FGFR3: variants seen among roughly 807,000 people sequenced by gnomAD.
The protein encoded by FGFR3 is FGFR-3.
In FGFR3, 25 loss-of-function variants were observed where a neutral mutation model predicts 82.9. The observed-to-expected ratio is 0.30, with a 90% CI of 0.22 to 0.42. The LOEUF is 0.42. Among genes scored for constraint, FGFR3 ranks in the 10% least tolerant of loss-of-function variants. The pLI is 1.00. For synonymous variants in FGFR3, 620 were observed against 516.0 expected (o/e 1.20, Z -2.73); for missense variants, 1,026 against 1,161.0 (o/e 0.88, Z 1.69).
At position 1,805,820 on chromosome 4, in the gene FGFR3, C is replaced by T. The variant is rs1166430861; in HGVS notation, c.1716C>T (p.Pro572=). Residue 572 remains proline (P), a synonymous_variant, in exon 13 of 18, where the codon CCC becomes CCT. Coordinates refer to ENST00000440486, the MANE Select transcript of FGFR3 (RefSeq NM_000142.5). ...NLREFLRARR[P]PGLDYSFDTC... is the part of the protein sequence containing the mutation. ...GGGAGTTTCTGCGGGCGCGGCGGCC[C>T]CCGGGCCTGGACTACTCCTTCGACA... 2 of 1,612,416 alleles carry T rather than the reference C, an allele frequency of 1.2e-6. No individual in the cohort carries two copies. Among genetic ancestry groups the T allele is most frequent in the Non-Finnish European group, 1.7e-6 (2 of 1,179,810 alleles).
intron 13 of FGFR3, 44 bp from the exon 14 acceptor site, chr4:1,806,007 G>C: frequency 6.2e-7 from 1 of 1,612,114 alleles, no homozygotes; most frequent in Non-Finnish European, 8.5e-7. Context: ...GAGCAGCGGG[G>C]AGAGGTGGAG....
chr4:1,805,232 T>C, intron 10 of FGFR3, 123 bp from the exon 11 acceptor site: 1 of 1,539,894 alleles, frequency 6.5e-7, no homozygotes, highest in Non-Finnish European at 8.8e-7. Flanking sequence ...AGGGGGAGCA[T>C]GGAGGGCTTC....
In FGFR3 at chr4:1,804,483, C is replaced by A; in HGVS notation, c.1229C>A (p.Thr410Asn). Residue 410 changes from threonine to asparagine, a missense_variant, in exon 9 of 18, where the codon ACC becomes AAC. Transcript: ENST00000440486. ...CCCAAGAAAGGCCTGGGCTCCCCCA[C>A]CGTGCACAAGATCTCCCGCTTCCCG... ...SPPKKGLGSP[T>N]VHKISRFPLK... 1 of 1,613,114 alleles carries A rather than the reference C, an allele frequency of 6.2e-7. No individual in the cohort carries two copies.
Position 1,807,660 on chromosome 4 carries a change from C to T in FGFR3, c.*398C>T, listed in dbSNP as rs144231750. 1 of 627,106 alleles carries T rather than the reference C, an allele frequency of 1.6e-6. No homozygotes were observed. The highest frequency in any genetic ancestry group is 3.0e-6 in the Non-Finnish European group (1 of 328,550). The allele number at this position is 627,106 out of a possible 1,614,324, so 38.8% of individuals were successfully genotyped here. A position where few individuals can be genotyped will look rare whatever the true frequency, so the allele number is the denominator to read the frequency against. On this transcript the variant is annotated 3_prime_UTR_variant, in exon 18 of 18. Coordinates refer to ENST00000440486, the MANE Select transcript of FGFR3 (RefSeq NM_000142.5). ...GCACCACGGGACATCACAGGGTGGG[C>T]CTCGGCCCCTCCCACACCCAAAGCT... is the stretch of plus-strand genomic sequence containing the variant.
rs762976265 is a variant in FGFR3, at chr4:1,807,711, C to T, written c.*449C>T. On this transcript the variant is annotated 3_prime_UTR_variant, in exon 18 of 18. Transcript: ENST00000440486. ...GAGCCTGCAGGGAAGCCCCACATGT[C>T]CAGCACCTTGTGCCTGGGGTGTTAG... The T allele has an allele frequency of 3.3e-6, 2 of 614,562 alleles. No individual in the cohort carries two copies. Among genetic ancestry groups the T allele is most frequent in the Non-Finnish European group, 6.2e-6 (2 of 320,074 alleles). 38.1% of individuals were successfully genotyped at this position (614,562 alleles called of 1,614,324 possible).
chr4:1,799,801 G>A lies in FGFR3; in HGVS notation c.434G>A (p.Gly145Asp), dbSNP rs921767157. The change falls in exon 4 of 18, where the codon GGT becomes GAT. Residue 145 changes from glycine (G) to aspartate (D), a missense_variant. By Grantham distance (94) the Gly-to-Asp change is moderately conservative. Coordinates refer to ENST00000440486, the MANE Select transcript of FGFR3 (RefSeq NM_000142.5). The stretch of plus-strand genomic sequence containing the variant: ...GGGGAGGACGAGGCTGAGGACACAG[G>A]TGTGGACACAGGTAGGAGCAGGGTC... ...EDGEDEAEDTGVDTGAPYWTR... is the reference protein window; with the variant it reads ...EDGEDEAEDTDVDTGAPYWTR... 6.2e-7 allele frequency: 1 copy of A among 1,612,872 alleles called. No individual in the cohort carries two copies. Among genetic ancestry groups the A allele is most frequent in the Non-Finnish European group, 8.5e-7 (1 of 1,179,880 alleles).
chr4:1,799,004 T>G (rs1360666824), intron 2 of FGFR3, among the ~76,000 whole-genome samples: 1 of 152,208 alleles, frequency 6.6e-6, no homozygotes, highest in African/African-American at 2.4e-5. Flanking sequence ...TGGGGTTGGC[T>G]GCAGGTTGTG....
At chr4:1,803,884 T>G in intron 8 of FGFR3, 48 bp downstream of exon 8, 1 of 1,590,864 alleles carries the variant, frequency 6.3e-7, no homozygotes, top group Non-Finnish European at 8.6e-7. Context: ...TGGGGGACGC[T>G]GGCTCGGGAC....
intron 9 of FGFR3, 91 bp from the exon 10 acceptor site, chr4:1,804,733 G>A (rs1017956264): frequency 6.0e-6 from 9 of 1,496,618 alleles, no homozygotes; most frequent in Middle Eastern, 2.3e-4. Context: ...AAGTCAGAAC[G>A]CCCCCCCTTC....
intron 7 of FGFR3, chr4:1,803,000 A>T (rs764152875): frequency 3.2e-5 from 52 of 1,600,462 alleles, no homozygotes; most frequent in Non-Finnish European, 4.4e-5. Flanking sequence ...ACCTCTGTCG[A>T]GCCACCAATT....
At chr4:1,804,643 C>T (rs369740236) in intron 9 of FGFR3, 123 bp downstream of exon 9, 21 of 1,459,442 alleles carry the variant, frequency 1.4e-5, no homozygotes, top group Admixed American at 1.2e-4. Flanking sequence ...GCTCCCCTCT[C>T]CTCGTCTCTG....
In FGFR3 at chr4:1,806,880, C is replaced by T. The variant is rs761006469; in HGVS notation, c.2220C>T (p.Thr740=). 6.2e-6 allele frequency: 10 copies of T among 1,611,700 alleles called. No individual in the cohort carries two copies. The African/African-American group carries it at 8.0e-5, about 13-fold the overall frequency. ...ATGCCGCGCCCTCCCAGAGGCCCAC[C>T]TTCAAGCAGCTGGTGGAGGACCTGG... is the stretch of plus-strand genomic sequence containing the variant. ...CWHAAPSQRP[T]FKQLVEDLDR... The change falls in exon 17 of 18, where the codon ACC becomes ACT. Residue 740 remains threonine (T), a synonymous_variant. Coordinates refer to ENST00000440486, the MANE Select transcript of FGFR3 (RefSeq NM_000142.5).
intron 2 of FGFR3, among the ~76,000 whole-genome samples, chr4:1,796,787 G>A (rs1349105569): frequency 6.6e-6 from 1 of 152,166 alleles, no homozygotes; most frequent in Non-Finnish European, 1.5e-5. Flanking sequence ...GGCAGGGAGC[G>A]CCTCTCACCC....
At chr4:1,802,363 C>G (rs537338895) in intron 7 of FGFR3, among the ~76,000 whole-genome samples, 1 of 152,176 alleles carries the variant, frequency 6.6e-6, no homozygotes. Context: ...TCCAGGCCCC[C>G]TCTGGGCCTC....
chr4:1,801,248 C>G, intron 4 of FGFR3, 119 bp from the exon 5 acceptor site: 2 of 1,174,482 alleles, frequency 1.7e-6, no homozygotes, highest in Non-Finnish European at 2.4e-6. Context: ...CGCCCTCTTC[C>G]TACACAGGAC....
chr4:1,799,390 G>C lies in FGFR3; in HGVS notation c.246G>C (p.Val82=). Residue 82 remains valine (V), a synonymous_variant, in exon 3 of 18, where the codon GTG becomes GTC. Transcript: ENST00000440486. ...GGGTCAAGGATGGCACAGGGCTGGT[G>C]CCCTCGGAGCGTGTCCTGGTGGGGC... ...TVWVKDGTGL[V]PSERVLVGPQ... is the part of the protein sequence containing the mutation. 6.2e-7 allele frequency: 1 copy of C among 1,612,446 alleles called. No individual in the cohort carries two copies. Among genetic ancestry groups the C allele is most frequent in the South Asian group, 1.1e-5 (1 of 91,074 alleles).
intron 7 of FGFR3, among the ~76,000 whole-genome samples, chr4:1,803,308 G>A (rs1044629959): frequency 1.3e-5 from 2 of 152,156 alleles, no homozygotes; most frequent in Admixed American, 6.5e-5. Context: ...GGTGCCCACC[G>A]GGCCGGCTCC....
chr4:1,802,863 C>T lies in FGFR3; in HGVS notation c.931-829C>T, dbSNP rs566786441. 2.9e-5 allele frequency: 44 copies of T among 1,539,850 alleles called. No homozygotes were observed. In the East Asian group the frequency reaches 5.6e-4, roughly 20 times the overall value. On this transcript the variant is annotated intron_variant, in intron 7 of 17. Coordinates refer to ENST00000440486, the MANE Select transcript of FGFR3 (RefSeq NM_000142.5). ...GGTCTCCCACATCCTGCCTCGTGCC[C>T]GGCGGGGCTGCCTCGGGGGCGTGCC...
Position 1,807,410 on chromosome 4 carries a change from TG to T in FGFR3, c.*149del. ...GTGTGTGTGTGTGTGCGTGTGTGTG[TG>T]TGTGTGTGCACATCCGCGTGTGCCT... On this transcript the variant is annotated 3_prime_UTR_variant, in exon 18 of 18. Coordinates refer to ENST00000440486, the MANE Select transcript of FGFR3 (RefSeq NM_000142.5). 3 of 1,168,638 alleles carry T rather than the reference TG, an allele frequency of 2.6e-6. No homozygotes were observed. The highest frequency in any genetic ancestry group is 3.7e-6 in the Non-Finnish European group (3 of 813,356). 72.4% of individuals were successfully genotyped at this position (1,168,638 alleles called of 1,614,324 possible).
Sources: allele counts gnomAD v4.1 joint callset (sites outside exome capture counted in the v4.1 genomes callset), GRCh38; gene constraint gnomAD v4.1.1; transcripts MANE v1.5; gene names NCBI Gene and HGNC (gene_info 2026-07-23, HGNC 2026-07-21).